Variants in SUPT6H observed in about 807,000 individuals in gnomAD.
SUPT6H encodes the protein SPT6 homolog, histone chaperone and transcription elongation factor, also known as transcription elongation factor SPT6.
Under a neutral mutation model 222.3 loss-of-function variants are expected in SUPT6H, and 11 were observed. The ratio of observed to expected loss-of-function variants is 0.05; its 90% CI spans 0.03 to 0.08. The LOEUF is 0.08. Among genes scored for constraint, SUPT6H ranks in the 10% least tolerant of loss-of-function variants. SUPT6H has a pLI of 1.00. For missense variants in SUPT6H, 1,422 were observed against 2,216.0 expected (o/e 0.64, Z 7.19); for synonymous variants, 762 against 801.2 (o/e 0.95, Z 0.83).
chr17:28,664,779 C>A (rs140742097), intron 1 of SUPT6H, among the ~76,000 whole-genome samples: 39 of 152,340 alleles, frequency 2.6e-4, no homozygotes, highest in African/African-American at 9.4e-4. Flanking sequence ...AAACCTTATC[C>A]TCCCGTTTCA....
Position 28,682,585 on chromosome 17 carries a change from C to T in SUPT6H, c.1598-142C>T, listed in dbSNP as rs546769193. On this transcript the variant is annotated intron_variant, in intron 13 of 36. Transcript: ENST00000314616. ...TCAATGAGCCATGATCACACCACTGCACTTTAGCCTGGGCAACAGAGCGAG... is the reference window on the plus strand; with the variant it reads ...TCAATGAGCCATGATCACACCACTGTACTTTAGCCTGGGCAACAGAGCGAG... 42 of 1,202,288 alleles carry T rather than the reference C, an allele frequency of 3.5e-5. 1 individual carries two copies. The South Asian group carries it at 6.1e-4, about 17-fold the overall frequency. The allele number at this position is 1,202,288 out of a possible 1,614,324, so 74.5% of individuals were successfully genotyped here. A position where few individuals can be genotyped will look rare whatever the true frequency, so the allele number is the denominator to read the frequency against.
intron 24 of SUPT6H, 170 bp from the exon 25 acceptor site, chr17:28,689,184 C>G (rs2031530918): frequency 3.2e-6 from 2 of 616,994 alleles, no homozygotes; most frequent in Non-Finnish European, 5.6e-6. Flanking sequence ...TTGTGGCCAT[C>G]TTTCCATGTC....
intron 29 of SUPT6H, 97 bp downstream of exon 29, chr17:28,695,644 G>C: frequency 1.5e-6 from 2 of 1,369,994 alleles, no homozygotes; most frequent in Non-Finnish European, 2.0e-6. Context: ...CAGTCTCCCA[G>C]TGGAAGTGGG....
At chr17:28,691,280 A>G in intron 27 of SUPT6H, 1 of 551,186 alleles carries the variant, frequency 1.8e-6, no homozygotes, top group Non-Finnish European at 3.1e-6. Context: ...TAATCCTAGC[A>G]CTTTGGGGGC....
At chr17:28,671,833 C>T (rs544063313) in intron 1 of SUPT6H, among the ~76,000 whole-genome samples, 20 of 152,308 alleles carry the variant, frequency 1.3e-4, no homozygotes, top group Middle Eastern at 3.4e-3. Context: ...AGGTAGGTAG[C>T]GCTATTACCA....
intron 27 of SUPT6H, among the ~76,000 whole-genome samples, chr17:28,693,304 T>C (rs2031758158): frequency 6.6e-6 from 1 of 151,800 alleles, no homozygotes; most frequent in Admixed American, 6.6e-5. Context: ...CTACTAAAAA[T>C]ACAAAAATCC....
intron 1 of SUPT6H, among the ~76,000 whole-genome samples, chr17:28,666,937 G>A (rs181524786): frequency 8.3e-4 from 126 of 151,924 alleles, no homozygotes; most frequent in Non-Finnish European, 1.2e-3. Context: ...AGGTTTTCAG[G>A]GTTTTTTTAA....
At position 28,701,585 on chromosome 17, in the gene SUPT6H, C is replaced by G. The variant is rs1180060622; in HGVS notation, c.5141C>G (p.Ala1714Gly). The G allele has an allele frequency of 1.9e-6, 3 of 1,613,600 alleles. No homozygotes were observed. Among genetic ancestry groups the G allele is most frequent in the East Asian group, 4.5e-5 (2 of 44,894 alleles). Residue 1714 changes from alanine to glycine, a missense_variant, in exon 37 of 37, where the codon GCT becomes GGT. By Grantham distance (60) the Ala-to-Gly change is moderately conservative. This residue lies in a region of SUPT6H where 395 missense variants were observed against 580.6 expected (regional missense o/e 0.68). Coordinates refer to ENST00000314616, the MANE Select transcript of SUPT6H (RefSeq NM_003170.5). ...ATCGAAAGCACCCCCATGTCCATTG[C>G]TGGCGATGCCACCCCACTCCTGGAC... ...PMIESTPMSI[A>G]GDATPLLDEM...
At chr17:28,692,445 C>T (rs1349760116) in intron 27 of SUPT6H, among the ~76,000 whole-genome samples, 2 of 146,442 alleles carry the variant, frequency 1.4e-5, no homozygotes, top group African/African-American at 5.1e-5. Flanking sequence ...CCAGCCTGAC[C>T]AACATGATGA....
chr17:28,681,784 C>A, intron 12 of SUPT6H, 98 bp from the exon 13 acceptor site: 1 of 1,056,316 alleles, frequency 9.5e-7, no homozygotes, highest in Non-Finnish European at 1.4e-6. Flanking sequence ...GAAGGAGGCC[C>A]TTGGCTGGGT....
At position 28,700,255 on chromosome 17, in the gene SUPT6H, G is replaced by A; in HGVS notation, c.4639+5G>A. 6.2e-7 allele frequency: 1 copy of A among 1,614,226 alleles called. No individual in the cohort carries two copies. The highest frequency in any genetic ancestry group is 1.1e-5 in the South Asian group (1 of 91,090). ...CAGCCAACATCAACCTTGCAGGTGA[G>A]GAGCTTGAGCCTGGGACTGGAGGTG... On this transcript the variant is annotated splice_donor_5th_base_variant and intron_variant, in intron 34 of 36. Transcript: ENST00000314616.
At position 28,693,751 on chromosome 17, in the gene SUPT6H, C is replaced by T. The variant is rs1222773063; in HGVS notation, c.3689C>T (p.Thr1230Ile). The change falls in exon 28 of 37, where the codon ACA becomes ATA. Residue 1230 changes from threonine to isoleucine, a missense_variant. Coordinates refer to ENST00000314616, the MANE Select transcript of SUPT6H (RefSeq NM_003170.5). ...SCPGQAIGVK[T>I]RLDNGVTGFI... ...CCAGGCCAGGCCATCGGTGTCAAAA[C>T]ACGGCTAGACAATGGTGTCACCGGC... The T allele has an allele frequency of 6.2e-7, 1 of 1,614,214 alleles. No homozygotes were observed. Among genetic ancestry groups the T allele is most frequent in the South Asian group, 1.1e-5 (1 of 91,084 alleles).
At position 28,688,038 on chromosome 17, in the gene SUPT6H, T is replaced by G; in HGVS notation, c.3007-53T>G. On this transcript the variant is annotated intron_variant, in intron 23 of 36. Transcript: ENST00000314616. The surrounding 1 kb of genome is among the most constrained non-coding windows in gnomAD (Gnocchi z 4.3). ...GGGTTTAATAGAGACTGGAACAGTC[T>G]GGGGAGGTGGGGCCTGCTTACTGCC... 1 of 1,541,260 alleles carries G rather than the reference T, an allele frequency of 6.5e-7. No individual in the cohort carries two copies. The highest frequency in any genetic ancestry group is 1.2e-5 in the South Asian group (1 of 80,022).
chr17:28,689,954 G>A (rs1299952419), intron 25 of SUPT6H, 128 bp from the exon 26 acceptor site: 1 of 1,236,990 alleles, frequency 8.1e-7, no homozygotes, highest in African/African-American at 1.5e-5. Flanking sequence ...AAATGTTGAT[G>A]GAAAGAAAAG....
chr17:28,701,153 T>C, intron 36 of SUPT6H, 25 bp downstream of exon 36: 2 of 1,588,378 alleles, frequency 1.3e-6, no homozygotes, highest in Non-Finnish European at 1.7e-6. Context: ...GGTGGCACAG[T>C]GCAGGTCAGT....
chr17:28,698,852 C>G (rs2032027899), intron 32 of SUPT6H, among the ~76,000 whole-genome samples: 1 of 152,206 alleles, frequency 6.6e-6, no homozygotes, highest in Admixed American at 6.5e-5. Flanking sequence ...TCTTGAGAAG[C>G]CTGTTGACTC....
At position 28,687,560 on chromosome 17, in the gene SUPT6H, G is replaced by A. The variant is rs1038240893; in HGVS notation, c.3006+89G>A. 42 of 1,403,324 alleles carry A rather than the reference G, an allele frequency of 3.0e-5. 1 individual carries two copies. The highest frequency in any genetic ancestry group is 3.6e-5 in the Non-Finnish European group (38 of 1,041,754). 86.9% of individuals were successfully genotyped at this position (1,403,324 alleles called of 1,614,324 possible). The stretch of plus-strand genomic sequence containing the variant: ...TTGTCAGTATAATTTGACAGATTGG[G>A]AGGACCAAGGTCAGTGACTTGTCCA... On this transcript the variant is annotated intron_variant, in intron 23 of 36. Transcript: ENST00000314616.
chr17:28,689,311 G>C, intron 24 of SUPT6H, 43 bp from the exon 25 acceptor site: 1 of 1,600,152 alleles, frequency 6.2e-7, no homozygotes, highest in Non-Finnish European at 8.6e-7. Flanking sequence ...GTTACTAGAA[G>C]CTTATCGTTC....
rs994315443 is a variant in SUPT6H at position 28,687,300 on chromosome 17, A to C, written c.2839-4A>C. The C allele has an allele frequency of 6.2e-7, 1 of 1,614,162 alleles. No homozygotes were observed. Among genetic ancestry groups the C allele is most frequent in the Non-Finnish European group, 8.5e-7 (1 of 1,180,030 alleles). On this transcript the variant is annotated splice_polypyrimidine_tract_variant and splice_region_variant and intron_variant, in intron 22 of 36. Coordinates refer to ENST00000314616, the MANE Select transcript of SUPT6H (RefSeq NM_003170.5). ...CCTTACTCCTGCCTGCTGAATGTCC[A>C]CAGGAGCATGTGGTGAAAGAGGAGC...
Sources: gnomAD v4.1 joint callset for allele counts (sites outside exome capture counted in the v4.1 genomes callset) on GRCh38, gnomAD v4.1.1 for gene constraint, gnomAD v4.1.1 regional missense constraint, Gnocchi (gnomAD v3.1) non-coding constraint, MANE v1.5 for transcripts, NCBI Gene and HGNC (gene_info 2026-07-23, HGNC 2026-07-21) for gene names.